DNAH11: variants seen among roughly 807,000 people sequenced by gnomAD.
DNAH11 encodes the protein axonemal beta dynein heavy chain 11.
DNAH11 carries 442 observed loss-of-function variants against 526.0 expected under a neutral mutation model. The observed-to-expected ratio is 0.84, with a 90% CI of 0.78 to 0.91. The LOEUF (loss-of-function observed/expected upper bound fraction) is 0.91, where lower values mean the gene tolerates loss of function less well. Among genes scored for constraint, DNAH11 ranks in the 40% least tolerant of loss-of-function variants. DNAH11 has a pLI of 0.00. For missense variants in DNAH11, 6,989 were observed against 5,448.7 expected, an observed-to-expected ratio of 1.28 and a Z score of -8.90; for synonymous variants, 2,461 against 1,935.9, an observed-to-expected ratio of 1.27 and a Z score of -7.12.
At chr7:21,702,829 T>G (rs751946056) in intron 37 of DNAH11, 27 bp downstream of exon 37, 1 of 1,589,462 alleles carries the variant, frequency 6.3e-7, no homozygotes, top group South Asian at 1.1e-5. Context: ...ATGATTTTGT[T>G]GAGTGAGTAG....
In DNAH11 at chr7:21,882,152, T is replaced by C. The variant is rs373909263; in HGVS notation, c.12387+1259T>C. ...ACCGGGAATAGAATCGTATTTCAGC[T>C]GAATCCTATACACCATTGAGGTGGA... On this transcript the variant is annotated intron_variant, in intron 75 of 81. Transcript: ENST00000409508. 7.2e-5 allele frequency among the ~76,000 whole-genome samples: 11 copies of C among 152,288 alleles called. No individual in the cohort carries two copies. In the South Asian group the frequency reaches 1.5e-3, roughly 20 times the overall value.
At chr7:21,834,700 G>A (rs1781924543) in intron 65 of DNAH11, among the ~76,000 whole-genome samples, 1 of 152,010 alleles carries the variant, frequency 6.6e-6, no homozygotes, top group Non-Finnish European at 1.5e-5. Context: ...AGATAAATTA[G>A]CCAGGCATAG....
chr7:21,638,813 G>A (rs1388876860), intron 27 of DNAH11, 126 bp from the exon 28 acceptor site: 1 of 1,143,726 alleles, frequency 8.7e-7, no homozygotes, highest in South Asian at 1.6e-5. Flanking sequence ...AAAGAAGGAA[G>A]TAAGCTACCT....
At chr7:21,610,284 C>T (rs1233409685) in intron 20 of DNAH11, among the ~76,000 whole-genome samples, 3 of 151,980 alleles carry the variant, frequency 2.0e-5, no homozygotes, top group South Asian at 2.1e-4. Flanking sequence ...GAAAAAGATA[C>T]TCTGGGAGTT....
At chr7:21,671,473 T>G (rs1782639870) in intron 30 of DNAH11, among the ~76,000 whole-genome samples, 1 of 152,244 alleles carries the variant, frequency 6.6e-6, no homozygotes, top group Non-Finnish European at 1.5e-5. Context: ...AGTATTATCC[T>G]CAGAACATCT....
At chr7:21,880,521 A>G (rs1047278274) in intron 74 of DNAH11, among the ~76,000 whole-genome samples, 181 bp from the exon 75 acceptor site, 2 of 152,242 alleles carry the variant, frequency 1.3e-5, no homozygotes, top group African/African-American at 2.4e-5. Context: ...TCTTAAGCCA[A>G]CAGACTGGCA....
intron 28 of DNAH11, among the ~76,000 whole-genome samples, chr7:21,649,556 C>T (rs1211104362): frequency 2.6e-5 from 4 of 152,042 alleles, no homozygotes; most frequent in East Asian, 1.9e-4. Context: ...CAAAAGAGTA[C>T]GTACTATGTG....
At chr7:21,673,159 C>G (rs6973998) in intron 30 of DNAH11, among the ~76,000 whole-genome samples, 2 of 152,090 alleles carry the variant, frequency 1.3e-5, no homozygotes, top group East Asian at 3.9e-4. Flanking sequence ...TCTCTACTTA[C>G]CACAATCATT....
In DNAH11 at chr7:21,773,817, G is replaced by A. The variant is rs758713187; in HGVS notation, c.9154G>A (p.Val3052Ile). ...SLFMAHVHTT[V>I]NEMSTRYYQN... ...TTTCATGGCACATGTTCACACCACT[G>A]TAAATGAAATGAGTACCAGATATTA... Residue 3052 changes from valine to isoleucine, a missense_variant, in exon 56 of 82, where the codon GTA becomes ATA. By Grantham distance (29) the Val-to-Ile change is conservative. Transcript: ENST00000409508. 11 of 1,608,000 alleles carry A rather than the reference G, an allele frequency of 6.8e-6. No homozygotes were observed. The African/African-American group carries it at 1.2e-4, about 18-fold the overall frequency.
chr7:21,853,963 C>A (rs879439604), intron 67 of DNAH11, among the ~76,000 whole-genome samples: 6 of 152,174 alleles, frequency 3.9e-5, no homozygotes, highest in East Asian at 3.9e-4. Context: ...CTTTTAAGAG[C>A]CATCCCTGGG....
chr7:21,810,945 G>T (rs1789489138), intron 63 of DNAH11, among the ~76,000 whole-genome samples: 1 of 152,202 alleles, frequency 6.6e-6, no homozygotes, highest in Non-Finnish European at 1.5e-5. Context: ...ATACCCCAAA[G>T]AAGTAAAAGT....
intron 30 of DNAH11, among the ~76,000 whole-genome samples, chr7:21,678,013 C>T (rs947976068): frequency 6.6e-6 from 1 of 152,016 alleles, no homozygotes; most frequent in Admixed American, 6.6e-5. Context: ...TCTTCCATTC[C>T]ATAGGCTACC....
intron 2 of DNAH11, among the ~76,000 whole-genome samples, chr7:21,549,987 T>G (rs1352744831): frequency 1.3e-5 from 2 of 152,204 alleles, no homozygotes; most frequent in African/African-American, 4.8e-5. Context: ...CCTGCCCGTT[T>G]CCATTTTGAC....
chr7:21,564,848 A>G (rs1263965827), intron 6 of DNAH11, among the ~76,000 whole-genome samples: 1 of 152,274 alleles, frequency 6.6e-6, no homozygotes, highest in Non-Finnish European at 1.5e-5. Flanking sequence ...TGATCTTTTA[A>G]AATCTCTTTT....
intron 6 of DNAH11, among the ~76,000 whole-genome samples, chr7:21,566,667 T>C (rs575030038): frequency 1.3e-3 from 204 of 151,808 alleles, no homozygotes; most frequent in African/African-American, 4.6e-3. Context: ...AAGTCAGTAA[T>C]AGAGTTCTCA....
At chr7:21,663,236 T>G (rs1782303114) in intron 30 of DNAH11, among the ~76,000 whole-genome samples, 1 of 152,108 alleles carries the variant, frequency 6.6e-6, no homozygotes, top group African/African-American at 2.4e-5. Context: ...CAGTGGCCAC[T>G]TAGGTTGATT....
At chr7:21,752,776 G>C (rs529211113) in intron 54 of DNAH11, among the ~76,000 whole-genome samples, 1 of 152,194 alleles carries the variant, frequency 6.6e-6, no homozygotes, top group East Asian at 1.9e-4. Flanking sequence ...GCAATGGCAT[G>C]ATCTGAGCTC....
intron 61 of DNAH11, among the ~76,000 whole-genome samples, chr7:21,789,867 CT>C (rs1318400473): frequency 5.8e-4 from 40 of 68,968 alleles, no homozygotes; most frequent in Non-Finnish European, 1.0e-3. Context: ...TCCTTCCTTC[CT>C]TTTCTTTCTT....
At chr7:21,836,524 G>GA (rs1782003933) in intron 65 of DNAH11, among the ~76,000 whole-genome samples, 1 of 152,190 alleles carries the variant, frequency 6.6e-6, no homozygotes, top group Non-Finnish European at 1.5e-5. Flanking sequence ...AATGGTGCTG[G>GA]AAAAATGATA....
Sources: gnomAD v4.1 joint callset for allele counts (sites outside exome capture counted in the v4.1 genomes callset) on GRCh38, gnomAD v4.1.1 for gene constraint, MANE v1.5 for transcripts, NCBI Gene and HGNC (gene_info 2026-07-23, HGNC 2026-07-21) for gene names.